The following PTPRG variants were observed in gnomAD, a reference collection of about 807,000 sequenced individuals.
PTPRG encodes protein tyrosine phosphatase receptor type G.
PTPRG carries 102 observed loss-of-function variants against 165.3 expected under a neutral mutation model. That is an observed-to-expected ratio of 0.62 (90% CI 0.53 to 0.73). PTPRG has a LOEUF of 0.73. PTPRG is among the 30% of genes least tolerant of loss of function. PTPRG has a pLI of 0.00. For missense variants in PTPRG, 1,866 were observed against 1,861.4 expected (o/e 1.00, Z -0.05); for synonymous variants, 675 against 669.5 (o/e 1.01, Z -0.13).
intron 2 of PTPRG, among the ~76,000 whole-genome samples, chr3:61,965,349 G>A (rs374479716): frequency 1.1e-4 from 16 of 151,948 alleles, no homozygotes; most frequent in African/African-American, 3.1e-4. Context: ...TTAGCTGGAC[G>A]TGCTAGTGCA....
rs1686726954 is a variant in PTPRG at position 61,873,515 on chromosome 3, C to G, written c.191-116110C>G. The stretch of plus-strand genomic sequence containing the variant: ...TGTATGGCTGTTGATTCTGTTGTTT[C>G]TGGGCATTTGCAGCATTTCTTACTT... On this transcript the variant is annotated intron_variant, in intron 2 of 29. Coordinates refer to ENST00000474889, the MANE Select transcript of PTPRG (RefSeq NM_002841.4). Among the ~76,000 whole-genome samples, 4 of 152,114 alleles carry G rather than the reference C, an allele frequency of 2.6e-5. No individual in the cohort carries two copies. The South Asian group carries it at 8.3e-4, about 32-fold the overall frequency.
chr3:62,255,137 C>T lies in PTPRG; in HGVS notation c.2481C>T (p.Ala827=). 6.2e-7 allele frequency: 1 copy of T among 1,612,268 alleles called. No individual in the cohort carries two copies. The highest frequency in any genetic ancestry group is 1.3e-5 in the African/African-American group (1 of 74,926). The change falls in exon 16 of 30, where the codon GCC becomes GCT. Residue 827 remains alanine, a synonymous_variant. Transcript: ENST00000474889. The surrounding 1 kb of genome is among the most constrained non-coding windows in gnomAD (Gnocchi z 4.0). ...TATTCCCCCCAGATGACATGGAAGC[C>T]ATTCCTGTCAAACAGTTTGTCAAAC... ...PIIPIPDDME[A]IPVKQFVKHI...
intron 8 of PTPRG, among the ~76,000 whole-genome samples, chr3:62,175,010 G>C (rs953562555): frequency 6.6e-6 from 1 of 151,838 alleles, no homozygotes; most frequent in African/African-American, 2.4e-5. Flanking sequence ...AAAAAAAACA[G>C]GTCTGTTTCA....
chr3:62,218,038 T>C (rs1576148786), intron 12 of PTPRG, among the ~76,000 whole-genome samples: 1 of 152,030 alleles, frequency 6.6e-6, no homozygotes, highest in African/African-American at 2.4e-5. Flanking sequence ...CTGGGGTAGG[T>C]GATAGGATCA....
intron 7 of PTPRG, among the ~76,000 whole-genome samples, chr3:62,163,430 T>C (rs1704845732): frequency 6.6e-6 from 1 of 151,954 alleles, no homozygotes; most frequent in African/African-American, 2.4e-5. Flanking sequence ...TCAGCAAATA[T>C]TGGCTGCTAG....
chr3:61,689,022 G>A (rs2029974043), intron 1 of PTPRG, among the ~76,000 whole-genome samples: 1 of 152,218 alleles, frequency 6.6e-6, no homozygotes, highest in Non-Finnish European at 1.5e-5. Flanking sequence ...AGCAGCCAGT[G>A]CTGGCGAAAC....
chr3:61,878,653 C>G (rs892264989), intron 2 of PTPRG, among the ~76,000 whole-genome samples: 3 of 152,082 alleles, frequency 2.0e-5, no homozygotes, highest in Admixed American at 6.6e-5. Flanking sequence ...GCTACCATGC[C>G]TGGCTAAGCT....
At chr3:61,953,822 A>G (rs940523090) in intron 2 of PTPRG, among the ~76,000 whole-genome samples, 3 of 152,218 alleles carry the variant, frequency 2.0e-5, no homozygotes, top group African/African-American at 4.8e-5. Context: ...GTTCTACTCT[A>G]AAGCACAAAT....
At chr3:62,107,861 A>G (rs1218334830) in intron 5 of PTPRG, among the ~76,000 whole-genome samples, 1 of 152,200 alleles carries the variant, frequency 6.6e-6, no homozygotes, top group Non-Finnish European at 1.5e-5. Flanking sequence ...AAAGCTTTTA[A>G]TCAATGCCTT....
intron 17 of PTPRG, among the ~76,000 whole-genome samples, chr3:62,264,328 T>G (rs928430176): frequency 9.9e-5 from 15 of 151,828 alleles, no homozygotes; most frequent in African/African-American, 3.6e-4. Context: ...AAAAAAAAAT[T>G]TCCTAGGGTA....
At chr3:62,209,200 T>C (rs968919630) in intron 12 of PTPRG, among the ~76,000 whole-genome samples, 1 of 152,182 alleles carries the variant, frequency 6.6e-6, no homozygotes, top group Admixed American at 6.5e-5. Context: ...TTTGGGAGCA[T>C]CTGGAGACAT....
chr3:61,684,954 T>C (rs577532863), intron 1 of PTPRG, among the ~76,000 whole-genome samples: 4 of 152,238 alleles, frequency 2.6e-5, no homozygotes, highest in African/African-American at 9.6e-5. Flanking sequence ...TGGGACAAAT[T>C]ATTTAACCCA....
intron 24 of PTPRG, chr3:62,276,732 A>C (rs1702243311): frequency 2.0e-6 from 1 of 495,514 alleles, no homozygotes; most frequent in African/African-American, 2.0e-5. Flanking sequence ...TGCTGTAAAA[A>C]TCTCTCCCAC....
At chr3:61,843,922 G>A (rs971150742) in intron 2 of PTPRG, among the ~76,000 whole-genome samples, 2 of 148,500 alleles carry the variant, frequency 1.3e-5, no homozygotes, top group Admixed American at 1.3e-4. Flanking sequence ...TATAGTTTAT[G>A]TTCATGTCAT....
chr3:61,587,946 A>G (rs182630501), intron 1 of PTPRG, among the ~76,000 whole-genome samples: 9 of 144,050 alleles, frequency 6.2e-5, no homozygotes, highest in South Asian at 2.3e-4. Flanking sequence ...GGCATGAGCC[A>G]CTGCAGCTGT....
At chr3:62,216,150 G>A (rs1184082806) in intron 12 of PTPRG, among the ~76,000 whole-genome samples, 6 of 151,626 alleles carry the variant, frequency 4.0e-5, no homozygotes, top group Admixed American at 6.6e-5. Flanking sequence ...CGTGGGAGGC[G>A]GAGGTTGCAG....
At chr3:61,869,371 T>C (rs2037496411) in intron 2 of PTPRG, among the ~76,000 whole-genome samples, 1 of 152,162 alleles carries the variant, frequency 6.6e-6, no homozygotes, top group Non-Finnish European at 1.5e-5. Context: ...TTGTGAGAAA[T>C]AAAGTCATGT....
At chr3:62,108,356 C>A (rs1413789052) in intron 5 of PTPRG, among the ~76,000 whole-genome samples, 2 of 152,110 alleles carry the variant, frequency 1.3e-5, no homozygotes, top group Non-Finnish European at 2.9e-5. Context: ...CATCCATGTC[C>A]CTGCAAAGGA....
At chr3:61,707,952 A>C (rs893011046) in intron 1 of PTPRG, among the ~76,000 whole-genome samples, 1 of 151,820 alleles carries the variant, frequency 6.6e-6, no homozygotes, top group African/African-American at 2.4e-5. Flanking sequence ...CTGTGACCAG[A>C]TAATTTTTGT....
Sources: allele counts gnomAD v4.1 joint callset (sites outside exome capture counted in the v4.1 genomes callset), GRCh38; gene constraint gnomAD v4.1.1; non-coding constraint Gnocchi (gnomAD v3.1); transcripts MANE v1.5; gene names NCBI Gene and HGNC (gene_info 2026-07-23, HGNC 2026-07-21).